The following ZDHHC13 variants were observed in gnomAD, a reference collection of about 807,000 sequenced individuals.
ZDHHC13 encodes palmitoyltransferase ZDHHC13.
A neutral mutation model predicts 86.0 loss-of-function variants in ZDHHC13; 85 were observed. That is an observed-to-expected ratio of 0.99 (90% confidence interval 0.83 to 1.18). The LOEUF (loss-of-function observed/expected upper bound fraction) is 1.18, where lower values mean the gene tolerates loss of function less well. ZDHHC13 is among the 50% of genes most tolerant of loss of function. ZDHHC13 has a pLI of 0.00. For synonymous variants in ZDHHC13, 263 were observed against 246.4 expected (o/e 1.07, Z -0.63); for missense variants, 711 against 730.2 (o/e 0.97, Z 0.30).
intron 1 of ZDHHC13, among the ~76,000 whole-genome samples, chr11:19,133,352 C>CATATATATATATATATATATAT (rs149739194): frequency 3.6e-4 from 52 of 144,902 alleles, no homozygotes; most frequent in African/African-American, 1.3e-3. Context: ...GAATTGTTTA[C>CATATATATATATATATATATAT]ATATATATAT....
chr11:19,134,178 A>G (rs1849071631), intron 1 of ZDHHC13, among the ~76,000 whole-genome samples: 1 of 152,002 alleles, frequency 6.6e-6, no homozygotes, highest in African/African-American at 2.4e-5. Flanking sequence ...AAAATTGTAG[A>G]TAGGTAACTA....
At chr11:19,173,271 G>A (rs906625403) in intron 16 of ZDHHC13, among the ~76,000 whole-genome samples, 8 of 152,166 alleles carry the variant, frequency 5.3e-5, no homozygotes, top group African/African-American at 4.8e-5. Context: ...TGTTGAATGT[G>A]CCCTCTTGTA....
At chr11:19,165,556 C>G (rs1242865064) in intron 13 of ZDHHC13, among the ~76,000 whole-genome samples, 1 of 152,142 alleles carries the variant, frequency 6.6e-6, no homozygotes. Flanking sequence ...GTGTCATTAG[C>G]ATTGAAATGC....
chr11:19,152,220 A>C lies in ZDHHC13; in HGVS notation c.647A>C (p.His216Pro), dbSNP rs1462298771. ...TCTCTCAATGTGGTTGATAAAATAC[A>C]CCAAAACACTCCACTTCACTGGGCA... ...NPSLNVVDKIHQNTPLHWAVA... is the reference protein window; with the variant it reads ...NPSLNVVDKIPQNTPLHWAVA... The change falls in exon 7 of 17, where the codon CAC (histidine) becomes CCC (proline). Residue 216 changes from histidine (H) to proline (P), a missense_variant. By Grantham distance (77) the His-to-Pro change is moderately conservative (BLOSUM62 -2). Transcript: ENST00000446113. 6.2e-7 allele frequency: 1 copy of C among 1,613,440 alleles called. No individual in the cohort carries two copies. The highest frequency in any genetic ancestry group is 1.1e-5 in the South Asian group (1 of 91,040).
chr11:19,153,077 T>C (rs1399367532), intron 8 of ZDHHC13, among the ~76,000 whole-genome samples: 1 of 152,166 alleles, frequency 6.6e-6, no homozygotes, highest in East Asian at 1.9e-4. Flanking sequence ...GAAAAGAAAA[T>C]AATAACATTT....
chr11:19,133,942 T>TATACACAC, intron 1 of ZDHHC13, among the ~76,000 whole-genome samples: 1 of 95,994 alleles, frequency 1.0e-5, no homozygotes, highest in Non-Finnish European at 2.3e-5. Flanking sequence ...TATATATATA[T>TATACACAC]ACACGTATGT....
chr11:19,135,036 A>T (rs1002073746), intron 1 of ZDHHC13, among the ~76,000 whole-genome samples: 6 of 152,100 alleles, frequency 3.9e-5, no homozygotes, highest in African/African-American at 7.2e-5. Context: ...CCTCCCAATA[A>T]ATAAATACAT....
At chr11:19,153,683 C>A (rs7120462) in intron 8 of ZDHHC13, among the ~76,000 whole-genome samples, 32,855 of 151,932 alleles carry the variant, frequency 0.22, 4,366 homozygotes, top group African/African-American at 0.37. Flanking sequence ...GTTGATAACT[C>A]CCATATTTGT....
intron 10 of ZDHHC13, among the ~76,000 whole-genome samples, chr11:19,162,229 A>T (rs1484582528): frequency 6.6e-6 from 1 of 152,194 alleles, no homozygotes; most frequent in Non-Finnish European, 1.5e-5. Context: ...TACTGTGCAG[A>T]TCTAAAGGAT....
chr11:19,159,963 G>A lies in ZDHHC13; in HGVS notation c.1108+923G>A, dbSNP rs142775355. Among the ~76,000 whole-genome samples the A allele has an allele frequency of 3.7e-3, 557 of 152,068 alleles. 2 individuals carry two copies. The highest frequency in any genetic ancestry group is 6.6e-3 in the Non-Finnish European group (446 of 68,016). On this transcript the variant is annotated intron_variant, in intron 10 of 16. Transcript: ENST00000446113. ...ATGGAGTAGGAGAAGAAGGAATGTT[G>A]TAGATAGAAATATACCTTTCAGTGT...
In ZDHHC13 at chr11:19,176,072, T is replaced by C. The variant is rs1850357182; in HGVS notation, c.*112T>C. 1 of 1,282,570 alleles carries C rather than the reference T, an allele frequency of 7.8e-7. No homozygotes were observed. The highest frequency in any genetic ancestry group is 1.0e-6 in the Non-Finnish European group (1 of 975,470). The allele number at this position is 1,282,570 out of a possible 1,614,324, so 79.4% of individuals were successfully genotyped here. A position where few individuals can be genotyped will look rare whatever the true frequency, so the allele number is the denominator to read the frequency against. The stretch of plus-strand genomic sequence containing the variant: ...TCACCTAAGTCCAAAGGAAAACACG[T>C]GGTTTTTAAAGCCATTAGGTAAAAA... On this transcript the variant is annotated 3_prime_UTR_variant, in exon 17 of 17. Transcript: ENST00000446113.
At chr11:19,137,681 A>G (rs1849182656) in intron 1 of ZDHHC13, among the ~76,000 whole-genome samples, 1 of 151,940 alleles carries the variant, frequency 6.6e-6, no homozygotes, top group Admixed American at 6.6e-5. Context: ...AGCTCTCCTC[A>G]GCAAAAGAAC....
chr11:19,166,279 TG>T lies in ZDHHC13; in HGVS notation c.1391-22del, dbSNP rs754698965. 56 of 1,579,752 alleles carry T rather than the reference TG, an allele frequency of 3.5e-5. No individual in the cohort carries two copies. The East Asian group carries it at 9.2e-4, about 26-fold the overall frequency. On this transcript the variant is annotated intron_variant, in intron 13 of 16. Transcript: ENST00000446113. ...TCAGAAGAAACGAAAATATTAAGTATGTTTTTTTTCTTTTTTCTTGAGGTTT... is the reference window on the plus strand; with the variant it reads ...TCAGAAGAAACGAAAATATTAAGTATTTTTTTTTCTTTTTTCTTGAGGTTT...
At chr11:19,130,062 T>G (rs1450802093) in intron 1 of ZDHHC13, among the ~76,000 whole-genome samples, 1 of 152,012 alleles carries the variant, frequency 6.6e-6, no homozygotes, top group Non-Finnish European at 1.5e-5. Context: ...CACTCCAGCC[T>G]GGGCAACAGA....
In ZDHHC13 at chr11:19,117,246, G is replaced by A; in HGVS notation, c.-4G>A. The A allele has an allele frequency of 6.6e-7, 1 of 1,517,806 alleles. No individual in the cohort carries two copies. Among genetic ancestry groups the A allele is most frequent in the South Asian group, 1.2e-5 (1 of 82,890 alleles). The allele number at this position is 1,517,806 out of a possible 1,614,324, so 94.0% of individuals were successfully genotyped here. On this transcript the variant is annotated 5_prime_UTR_variant, in exon 1 of 17. Coordinates refer to ENST00000446113, the MANE Select transcript of ZDHHC13 (RefSeq NM_019028.3). The surrounding 1 kb of genome is among the most constrained non-coding windows in gnomAD (Gnocchi z 4.2). ...AGCCTCAGCCGCTGTGGGCTCCTGG[G>A]GAGATGGAGGGGCCGGGGCTGGGCT... is the stretch of plus-strand genomic sequence containing the variant.
intron 14 of ZDHHC13, chr11:19,169,706 T>G: frequency 1.0e-6 from 1 of 985,504 alleles, no homozygotes; most frequent in Non-Finnish European, 1.2e-6. Flanking sequence ...TGTGTATTTC[T>G]CCTTACTGCT....
At chr11:19,171,661 T>A (rs1449244491) in intron 15 of ZDHHC13, among the ~76,000 whole-genome samples, 1 of 152,232 alleles carries the variant, frequency 6.6e-6, no homozygotes, top group Non-Finnish European at 1.5e-5. Context: ...GTATTTATAA[T>A]GCTTTGAGAC....
chr11:19,164,539 T>A, intron 12 of ZDHHC13, 176 bp downstream of exon 12: 1 of 624,146 alleles, frequency 1.6e-6, no homozygotes, highest in Non-Finnish European at 2.8e-6. Context: ...AGAATGATGT[T>A]TATAATCTCT....
At chr11:19,134,462 G>C (rs1425934431) in intron 1 of ZDHHC13, among the ~76,000 whole-genome samples, 1 of 152,160 alleles carries the variant, frequency 6.6e-6, no homozygotes, top group Non-Finnish European at 1.5e-5. Flanking sequence ...CAACTCAAAT[G>C]CCCATCAATG....
Sources: allele counts gnomAD v4.1 joint callset (sites outside exome capture counted in the v4.1 genomes callset), GRCh38; gene constraint gnomAD v4.1.1; non-coding constraint Gnocchi (gnomAD v3.1); transcripts MANE v1.5; gene names NCBI Gene and HGNC (gene_info 2026-07-23, HGNC 2026-07-21).